The following HDX variants were observed in gnomAD, a reference collection of about 807,000 sequenced individuals.
HDX encodes highly divergent homeobox.
In HDX, 19 loss-of-function variants were observed where a neutral mutation model predicts 45.2. That is an observed-to-expected ratio of 0.42 (90% CI 0.29 to 0.62). The LOEUF (loss-of-function observed/expected upper bound fraction) is 0.62. HDX is among the 20% of genes least tolerant of loss of function. The probability of loss-of-function intolerance (pLI) is 0.20; values close to 1 mark genes in which losing one functional copy is unlikely to be tolerated. For missense variants in HDX, 532 were observed against 493.9 expected, an observed-to-expected ratio of 1.08 and a Z score of -0.73; for synonymous variants, 188 against 172.8, an observed-to-expected ratio of 1.09 and a Z score of -0.69.
intron 5 of HDX, among the ~76,000 whole-genome samples, chrX:84,380,239 T>TAA (rs59589657): frequency 2.0e-4 from 20 of 100,488 alleles, no homozygotes; most frequent in East Asian, 6.3e-4. Context: ...AGCCTCCCAA[T>TAA]AAAAAAAAAA....
chrX:84,439,440 G>A (rs1433355708), intron 5 of HDX, among the ~76,000 whole-genome samples: 1 of 110,506 alleles, frequency 9.0e-6, no homozygotes, highest in East Asian at 2.9e-4. Flanking sequence ...TGGTTTTGTT[G>A]TGATTGTTTT....
intron 5 of HDX, chrX:84,440,194 C>T (rs1157653795): frequency 6.9e-6 from 1 of 144,836 alleles, no homozygotes; most frequent in East Asian, 2.0e-4. Flanking sequence ...TTATGCAGTA[C>T]TGATTGAGAT....
chrX:84,392,622 C>G (rs1157711312), intron 5 of HDX, among the ~76,000 whole-genome samples: 6 of 110,302 alleles, frequency 5.4e-5, no homozygotes, highest in Non-Finnish European at 9.5e-5. Context: ...CCTTGTAGAG[C>G]TTTTTCACCT....
At chrX:84,371,056 C>T (rs2037882143) in intron 5 of HDX, among the ~76,000 whole-genome samples, 1 of 112,114 alleles carries the variant, frequency 8.9e-6, no homozygotes, top group African/African-American at 3.2e-5. Context: ...CAGCAACAAA[C>T]ATTTAAAGCC....
At chrX:84,500,835 G>T (rs1467414242) in intron 1 of HDX, among the ~76,000 whole-genome samples, 1 of 111,506 alleles carries the variant, frequency 9.0e-6, no homozygotes, top group African/African-American at 3.3e-5. Flanking sequence ...TTTAAAATTC[G>T]GGTGGAATTA....
chrX:84,384,979 C>T (rs2038275046), intron 5 of HDX, among the ~76,000 whole-genome samples: 1 of 109,671 alleles, frequency 9.1e-6, no homozygotes. Context: ...CAGCTTTGTT[C>T]TTTTTCTTAG....
chrX:84,491,380 T>C (rs1377045719), intron 1 of HDX, among the ~76,000 whole-genome samples: 1 of 112,186 alleles, frequency 8.9e-6, no homozygotes, highest in African/African-American at 3.2e-5. Context: ...TTTCAATCAA[T>C]GTGGATCTTT....
At chrX:84,485,667 G>A (rs899778211) in intron 2 of HDX, among the ~76,000 whole-genome samples, 1 of 112,143 alleles carries the variant, frequency 8.9e-6, no homozygotes, top group African/African-American at 3.2e-5. Context: ...CAAAGTGCTA[G>A]GATCACTGGT....
In HDX at chrX:84,322,019, AT is replaced by A. The variant is rs1211930602; in HGVS notation, c.1948-6del. On this transcript the variant is annotated splice_region_variant and splice_polypyrimidine_tract_variant and intron_variant, in intron 10 of 10. Transcript: ENST00000373177. ...AGGTAAATCTGACAGCAGTGCCTGA[AT>A]AAAAAAAATAATATTTTTGGATTAG... 8.9e-7 allele frequency: 1 copy of A among 1,127,061 alleles called. No individual in the cohort carries two copies. The highest frequency in any genetic ancestry group is 1.8e-5 in the African/African-American group (1 of 54,733). 92.9% of individuals were successfully genotyped at this position (1,127,061 alleles called of 1,213,427 possible).
chrX:84,420,644 T>G (rs943551944), intron 5 of HDX, among the ~76,000 whole-genome samples: 1 of 111,328 alleles, frequency 9.0e-6, no homozygotes, highest in African/African-American at 3.3e-5. Context: ...AAAAAGATTA[T>G]AGAATACCAA....
At chrX:84,487,180 A>G (rs989676564) in intron 2 of HDX, among the ~76,000 whole-genome samples, 1 of 112,057 alleles carries the variant, frequency 8.9e-6, no homozygotes, top group Non-Finnish European at 1.9e-5. Context: ...ATTTCCATTT[A>G]GTATTATTTT....
intron 2 of HDX, among the ~76,000 whole-genome samples, chrX:84,487,195 G>T (rs755843800): frequency 1.8e-5 from 2 of 111,543 alleles, no homozygotes; most frequent in Non-Finnish European, 3.8e-5. Flanking sequence ...TATTTTCTAG[G>T]CTCTATTACT....
In HDX at chrX:84,395,393, C is replaced by T. The variant is rs767773318; in HGVS notation, c.1306-33781G>A. On this transcript the variant is annotated intron_variant, in intron 5 of 10. Coordinates refer to ENST00000373177, the MANE Select transcript of HDX (RefSeq NM_001177479.2). ...TTTTTCCCCAATACTTTAATTATAT[C>T]ATCCCATTCTCTCACGGCCTGTATG... is the stretch of plus-strand genomic sequence containing the variant. Among the ~76,000 whole-genome samples, 237 of 108,812 alleles carry T rather than the reference C, an allele frequency of 2.2e-3. 2 individuals carry two copies. Among genetic ancestry groups the T allele is most frequent in the African/African-American group, 7.6e-3 (229 of 29,951 alleles). The allele number at this position is 108,812 out of a possible 115,157, so 94.5% of individuals were successfully genotyped here.
chrX:84,446,832 G>A (rs140111239), intron 4 of HDX, among the ~76,000 whole-genome samples: 2,860 of 112,100 alleles, frequency 0.026, 35 homozygotes, highest in Non-Finnish European at 0.038. Flanking sequence ...CCCTTTCCTG[G>A]TATGGCAGGG....
intron 5 of HDX, among the ~76,000 whole-genome samples, chrX:84,409,966 T>C (rs754556934): frequency 4.9e-4 from 52 of 105,686 alleles, no homozygotes; most frequent in African/African-American, 1.7e-3. Flanking sequence ...GGCAGGAGAA[T>C]CGCTTGAACC....
chrX:84,325,764 T>G, intron 10 of HDX, among the ~76,000 whole-genome samples: 1 of 111,703 alleles, frequency 9.0e-6, no homozygotes. Flanking sequence ...ATCTGTGAAC[T>G]GTAGTGGAGG....
chrX:84,379,206 T>TAA (rs1487271620), intron 5 of HDX, among the ~76,000 whole-genome samples: 1 of 109,493 alleles, frequency 9.1e-6, no homozygotes, highest in Non-Finnish European at 1.9e-5. Context: ...TATATATATA[T>TAA]AATCAAACCT....
intron 6 of HDX, among the ~76,000 whole-genome samples, chrX:84,358,888 C>T (rs2037550917): frequency 9.0e-6 from 1 of 110,772 alleles, no homozygotes; most frequent in Non-Finnish European, 1.9e-5. Flanking sequence ...ATATACTTCC[C>T]TCTTGATCTA....
intron 9 of HDX, among the ~76,000 whole-genome samples, chrX:84,332,027 A>G (rs747217527): frequency 3.6e-5 from 4 of 111,573 alleles, no homozygotes; most frequent in Non-Finnish European, 7.5e-5. Flanking sequence ...AACAAGAAAC[A>G]CTAGTATGTG....
Sources: allele counts gnomAD v4.1 joint callset (sites outside exome capture counted in the v4.1 genomes callset), GRCh38; gene constraint gnomAD v4.1.1; transcripts MANE v1.5; gene names NCBI Gene and HGNC (gene_info 2026-07-23, HGNC 2026-07-21).